Variants in ZIM3 observed in about 807,000 individuals in gnomAD.
The protein encoded by ZIM3 is zinc finger protein 657.
A neutral mutation model predicts 12.9 loss-of-function variants in ZIM3; 11 were observed. That is an observed-to-expected ratio of 0.85 (90% CI 0.54 to 1.41). The LOEUF (loss-of-function observed/expected upper bound fraction) is 1.41, where lower values mean the gene tolerates loss of function less well. ZIM3 is among the 40% of genes most tolerant of loss of function. The pLI, the probability that ZIM3 is intolerant of heterozygous loss-of-function variation, is 0.00. For missense variants in ZIM3, 604 were observed against 557.2 expected (o/e 1.08, Z -0.85); for synonymous variants, 205 against 198.5 (o/e 1.03, Z -0.28).
At chr19:57,136,281 T>G (rs1050541015) in intron 4 of ZIM3, among the ~76,000 whole-genome samples, 186 bp from the exon 5 acceptor site, 1 of 152,164 alleles carries the variant, frequency 6.6e-6, no homozygotes, top group Non-Finnish European at 1.5e-5. Flanking sequence ...CTATCACATA[T>G]CTGTCTGTAA....
At chr19:57,138,034 AGAAGGAAGGAAGGAAGGAAAGAAG>A (rs2086896927) in intron 3 of ZIM3, among the ~76,000 whole-genome samples, 1 of 21,790 alleles carries the variant, frequency 4.6e-5, no homozygotes, top group African/African-American at 2.4e-4. Flanking sequence ...AAGGAAGGAA[AGAAGGAAGGAAGGAAGGAAAGAAG>A]GAAGGAAGGA....
chr19:57,135,482 C>G lies in ZIM3; in HGVS notation c.855G>C (p.Glu285Asp). 6.2e-7 allele frequency: 1 copy of G among 1,614,084 alleles called. No individual in the cohort carries two copies. Among genetic ancestry groups the G allele is most frequent in the Non-Finnish European group, 8.5e-7 (1 of 1,180,038 alleles). The stretch of plus-strand genomic sequence containing the variant: ...GGGTTGAGTTCTGCCTGAAGGATTT[C>G]TCACATTCATTACACTGATAGGATT... ...AKKSYQCNEC[E>D]KSFRQNSTLI... The change falls in exon 5 of 5, where the codon GAG becomes GAC. Residue 285 changes from glutamate to aspartate, a missense_variant. Transcript: ENST00000269834.
chr19:57,142,526 G>A, intron 2 of ZIM3, 103 bp downstream of exon 2: 1 of 1,223,600 alleles, frequency 8.2e-7, no homozygotes, highest in Non-Finnish European at 1.2e-6. Context: ...ATGGAAGGAA[G>A]GAGGAAAATA....
rs1470609590 is a variant in ZIM3 at position 57,134,969 on chromosome 19, G to A, written c.1368C>T (p.Phe456=). ...GCCTAACAAGGTATGACCTGTCAGC[G>A]AAGGCTTTACCGCATTCAGAACATC... ...PYGCSECGKA[F]ADRSYLVRHQ... The change falls in exon 5 of 5, where the codon TTC becomes TTT. Residue 456 remains phenylalanine, a synonymous_variant. Transcript: ENST00000269834. 4 of 1,614,112 alleles carry A rather than the reference G, an allele frequency of 2.5e-6. No individual in the cohort carries two copies. Among genetic ancestry groups the A allele is most frequent in the Non-Finnish European group, 3.4e-6 (4 of 1,180,008 alleles).
intron 4 of ZIM3, 118 bp downstream of exon 4, chr19:57,136,755 G>C: frequency 1.4e-6 from 1 of 739,284 alleles, no homozygotes; most frequent in East Asian, 2.6e-5. Context: ...AAAATACCTG[G>C]AGATTTCTTC....
At chr19:57,136,143 A>G (rs1460781393) in intron 4 of ZIM3, 48 bp from the exon 5 acceptor site, 7 of 1,496,282 alleles carry the variant, frequency 4.7e-6, no homozygotes, top group Non-Finnish European at 6.4e-6. Context: ...TTCCACTCAC[A>G]TGCTTGAAAT....
At chr19:57,140,038 C>T (rs569978312) in intron 2 of ZIM3, among the ~76,000 whole-genome samples, 1 of 152,328 alleles carries the variant, frequency 6.6e-6, no homozygotes, top group African/African-American at 2.4e-5. Context: ...GGAAGTCACA[C>T]TTGTAAAGCG....
At chr19:57,139,359 AAAG>A (rs748813375) in intron 2 of ZIM3, among the ~76,000 whole-genome samples, 4 of 151,902 alleles carry the variant, frequency 2.6e-5, no homozygotes, top group Non-Finnish European at 4.4e-5. Context: ...AAAGAAAAGA[AAAG>A]AAAATGTTAT....
chr19:57,135,077 T>C lies in ZIM3; in HGVS notation c.1260A>G (p.Arg420=). Residue 420 remains arginine, a synonymous_variant, in exon 5 of 5, where the codon AGA becomes AGG. Coordinates refer to ENST00000269834, the MANE Select transcript of ZIM3 (RefSeq NM_052882.1). ...TGAAGGTTTTTCCACATTCACTACA[T>C]CTATAGGTCCTCTCTCCGCTATGAG... The part of the protein sequence containing the change: ...QKTHSGERTY[R]CSECGKTFIR... 1 of 1,614,196 alleles carries C rather than the reference T, an allele frequency of 6.2e-7. No homozygotes were observed. Among genetic ancestry groups the C allele is most frequent in the South Asian group, 1.1e-5 (1 of 91,090 alleles).
intron 3 of ZIM3, 47 bp downstream of exon 3, chr19:57,138,425 T>C (rs764884895): frequency 6.2e-7 from 1 of 1,613,486 alleles, no homozygotes; most frequent in Admixed American, 1.7e-5. Flanking sequence ...GTCTGTGTGT[T>C]TCACGCCTTA....
At position 57,139,093 on chromosome 19, in the gene ZIM3, G is replaced by A. The variant is rs936416783; in HGVS notation, c.16-495C>T. 9.9e-5 allele frequency among the ~76,000 whole-genome samples: 15 copies of A among 152,116 alleles called. No homozygotes were observed. The East Asian group carries it at 1.5e-3, about 16-fold the overall frequency. ...TGTAATCCCTGCACTTTGGGAGGCC[G>A]AGGCGGGTGGATCACCTGAGGTCAG... On this transcript the variant is annotated intron_variant, in intron 2 of 4. Transcript: ENST00000269834.
chr19:57,139,697 A>G (rs1213684570), intron 2 of ZIM3, among the ~76,000 whole-genome samples: 1 of 152,220 alleles, frequency 6.6e-6, no homozygotes, highest in Non-Finnish European at 1.5e-5. Flanking sequence ...ACTGCACTCC[A>G]GCCTGGGTGA....
chr19:57,135,869 G>A lies in ZIM3; in HGVS notation c.468C>T (p.Gly156=), dbSNP rs758265716. ...HDDNGYRKLV[G]NNPSKFVGQQ... The stretch of plus-strand genomic sequence containing the variant: ...GTCCTACAAATTTGGATGGATTATT[G>A]CCAACTAATTTTCTGTATCCATTAT... The change falls in exon 5 of 5, where the codon GGC becomes GGT. Residue 156 remains glycine, a synonymous_variant. Transcript: ENST00000269834. The A allele has an allele frequency of 1.9e-5, 30 of 1,613,978 alleles. No individual in the cohort carries two copies. The highest frequency in any genetic ancestry group is 8.3e-5 in the Admixed American group (5 of 59,980).
chr19:57,134,809 G>T lies in ZIM3; in HGVS notation c.*109C>A, dbSNP rs1481260207. ...AAGGATACTGTGATAATAAGTCCTC[G>T]CTACCTTCAAAAATAGCCTCCAAAT... is the stretch of plus-strand genomic sequence containing the variant. On this transcript the variant is annotated 3_prime_UTR_variant, in exon 5 of 5. Coordinates refer to ENST00000269834, the MANE Select transcript of ZIM3 (RefSeq NM_052882.1). 1.7e-6 allele frequency: 2 copies of T among 1,159,992 alleles called. No homozygotes were observed. Among genetic ancestry groups the T allele is most frequent in the Admixed American group, 2.5e-5 (1 of 40,070 alleles). The allele number at this position is 1,159,992 out of a possible 1,614,324, so 71.9% of individuals were successfully genotyped here. A position where few individuals can be genotyped will look rare whatever the true frequency, so the allele number is the denominator to read the frequency against.
At chr19:57,142,755 G>A in intron 1 of ZIM3, 70 bp from the exon 2 acceptor site, 1 of 1,244,536 alleles carries the variant, frequency 8.0e-7, no homozygotes, top group Non-Finnish European at 1.2e-6. Flanking sequence ...ATCCAGCATA[G>A]AATGCTCCAC....
intron 4 of ZIM3, 90 bp downstream of exon 4, chr19:57,136,783 C>T: frequency 9.1e-7 from 1 of 1,096,590 alleles, no homozygotes; most frequent in Non-Finnish European, 1.4e-6. Context: ...CCCAGGAAGT[C>T]ACAGCTGGCT....
chr19:57,142,079 A>G (rs2086916187), intron 2 of ZIM3, among the ~76,000 whole-genome samples: 1 of 150,040 alleles, frequency 6.7e-6, no homozygotes, highest in Non-Finnish European at 1.5e-5. Flanking sequence ...TGTCTCAGTC[A>G]TTGGCTTTCT....
intron 1 of ZIM3, among the ~76,000 whole-genome samples, chr19:57,144,312 A>G (rs1352590860): frequency 2.6e-5 from 4 of 152,058 alleles, no homozygotes; most frequent in Admixed American, 6.6e-5. Flanking sequence ...AGCCTCCCCA[A>G]ATCCTGGGAT....
chr19:57,135,025 T>TCCGG lies in ZIM3; in HGVS notation c.1311_1312insCCGG (p.Lys438ProfsTer15). 1 of 1,614,182 alleles carries TCCGG rather than the reference T, an allele frequency of 6.2e-7. No individual in the cohort carries two copies. The highest frequency in any genetic ancestry group is 1.1e-5 in the South Asian group (1 of 91,088). On this transcript the variant is annotated frameshift_variant, in exon 5 of 5. Coordinates refer to ENST00000269834, the MANE Select transcript of ZIM3 (RefSeq NM_052882.1). LOFTEE classifies it low-confidence loss of function (END_TRUNC). ...GGTTTTTGTCCAGTATGGGTTTTTT[T>TCCGG]ATGCAAACTAAGGTTTAATTTCCGG...
Sources: allele counts gnomAD v4.1 joint callset (sites outside exome capture counted in the v4.1 genomes callset), GRCh38; gene constraint gnomAD v4.1.1; transcripts MANE v1.5; gene names NCBI Gene and HGNC (gene_info 2026-07-23, HGNC 2026-07-21).